PAQR7: variants seen among roughly 807,000 people sequenced by gnomAD.
PAQR7 encodes membrane progestin receptor alpha.
Under a neutral mutation model 24.6 loss-of-function variants are expected in PAQR7, and 14 were observed. The ratio of observed to expected loss-of-function variants is 0.57; its 90% CI spans 0.38 to 0.89. The LOEUF (loss-of-function observed/expected upper bound fraction) is 0.89. Ranked by LOEUF, PAQR7 falls within the 40% of genes least tolerant of loss-of-function variation. PAQR7 has a pLI of 0.00. For missense variants in PAQR7, 351 were observed against 444.0 expected (o/e 0.79, Z 1.88); for synonymous variants, 189 against 198.8 (o/e 0.95, Z 0.42).
chr1:25,864,750 C>T (rs2048542870), intron 2 of PAQR7, among the ~76,000 whole-genome samples: 1 of 151,974 alleles, frequency 6.6e-6, no homozygotes, highest in African/African-American at 2.4e-5. Context: ...ACTGGAGAGG[C>T]TGGGGCAGGA....
chr1:25,863,761 G>T lies in PAQR7; in HGVS notation c.79C>A (p.Pro27Thr). ...CGATCCACCGTGAAGACAGGCTCTGGCTGCAGAGATAGCTGAGGCTCCTGG... is the reference window on the plus strand; with the variant it reads ...CGATCCACCGTGAAGACAGGCTCTGTCTGCAGAGATAGCTGAGGCTCCTGG... ...VIQEPQLSLQ[P>T]EPVFTVDRAE... The change falls in exon 3 of 3, where the codon CCA (proline) becomes ACA (threonine). Residue 27 changes from proline (P) to threonine (T), a missense_variant. Physicochemically the swap from Pro to Thr is conservative, Grantham distance 38 (BLOSUM62 -1). Transcript: ENST00000675840. This position sits in a 1 kb window ranked among gnomAD's most constrained non-coding sequence, Gnocchi z 6.1. The T allele has an allele frequency of 1.9e-6, 3 of 1,613,874 alleles. No individual in the cohort carries two copies. The highest frequency in any genetic ancestry group is 2.5e-6 in the Non-Finnish European group (3 of 1,180,018).
chr1:25,867,896 T>G (rs2048570989), intron 2 of PAQR7, among the ~76,000 whole-genome samples: 1 of 152,174 alleles, frequency 6.6e-6, no homozygotes, highest in African/African-American at 2.4e-5. Flanking sequence ...GGCTGCTACT[T>G]AGGACAACAG....
At chr1:25,866,672 A>T (rs529261932) in intron 2 of PAQR7, among the ~76,000 whole-genome samples, 1 of 152,240 alleles carries the variant, frequency 6.6e-6, no homozygotes, top group East Asian at 1.9e-4. Context: ...CCACCCACCT[A>T]GCCAGGAAGT....
chr1:25,863,717 G>T lies in PAQR7; in HGVS notation c.123C>A (p.Leu41=). Residue 41 remains leucine, a synonymous_variant, in exon 3 of 3, where the codon CTC becomes CTA. Transcript: ENST00000675840. This position sits in a 1 kb window ranked among gnomAD's most constrained non-coding sequence, Gnocchi z 6.1. ...FTVDRAEVPP[L]FWKPYIYAGY... is the part of the protein sequence containing the mutation. ...CCGCATAGATGTACGGCTTCCAGAA[G>T]AGCGGCGGCACCTCAGCTCGATCCA... 1 of 1,614,168 alleles carries T rather than the reference G, an allele frequency of 6.2e-7. No individual in the cohort carries two copies. The highest frequency in any genetic ancestry group is 8.5e-7 in the Non-Finnish European group (1 of 1,180,046).
rs536098137 is a variant in PAQR7, at chr1:25,862,859, G to C, written c.981C>G (p.Ile327Met). Residue 327 changes from isoleucine (I) to methionine (M), a missense_variant, in exon 3 of 3, where the codon ATC becomes ATG. Physicochemically the swap from Ile to Met is conservative, Grantham distance 10 (BLOSUM62 1). Transcript: ENST00000675840. Reference protein sequence around the residue: ...GLFLLTVGSSILTAFLLSQLV... With the variant: ...GLFLLTVGSSMLTAFLLSQLV... ...GCTGGCTCAGGAGGAATGCAGTGAG[G>C]ATGCTGCTGCCCACCGTGAGCAGGA... 151 of 1,614,146 alleles carry C rather than the reference G, an allele frequency of 9.4e-5. 2 individuals carry two copies. In the Middle Eastern group the frequency reaches 7.9e-3, roughly 85 times the overall value.
intron 2 of PAQR7, among the ~76,000 whole-genome samples, chr1:25,870,153 T>A (rs772029803): frequency 5.3e-5 from 8 of 152,122 alleles, no homozygotes; most frequent in Non-Finnish European, 1.0e-4. Flanking sequence ...GAGGGCACCA[T>A]CAGGGCATCC....
In PAQR7 at chr1:25,875,397, C is replaced by CCAGCCCCGCAGCCCCG. The variant is rs537795798; in HGVS notation, c.-109+75_-109+90dup. On this transcript the variant is annotated intron_variant, in intron 1 of 2. Coordinates refer to ENST00000675840, the MANE Select transcript of PAQR7 (RefSeq NM_178422.6). The surrounding 1 kb of genome is among the most constrained non-coding windows in gnomAD (Gnocchi z 5.4). The stretch of plus-strand genomic sequence containing the variant: ...CCGCGGAGCCTTGCTCTTTCCACGT[C>CCAGCCCCGCAGCCCCG]CAGCCCCGCAGCCCCGCAGCCCCGC... Among the ~76,000 whole-genome samples, 1 of 152,136 alleles carries CCAGCCCCGCAGCCCCG rather than the reference C, an allele frequency of 6.6e-6. No individual in the cohort carries two copies. The highest frequency in any genetic ancestry group is 2.4e-5 in the African/African-American group (1 of 41,424).
At position 25,875,496 on chromosome 1, in the gene PAQR7, G is replaced by A. The variant is rs559045198; in HGVS notation, c.-117C>T. ...TCTTGGCAGCCCCGTACCTGAGCCG[G>A]AGCCGAGCTGGGAGGGCCGCGGGGG... On this transcript the variant is annotated 5_prime_UTR_variant, in exon 1 of 3. Coordinates refer to ENST00000675840, the MANE Select transcript of PAQR7 (RefSeq NM_178422.6). The surrounding 1 kb of genome is among the most constrained non-coding windows in gnomAD (Gnocchi z 5.4). 3.8e-4 allele frequency among the ~76,000 whole-genome samples: 58 copies of A among 152,228 alleles called. No homozygotes were observed. Among genetic ancestry groups the A allele is most frequent in the Admixed American group, 2.8e-3 (43 of 15,310 alleles).
Position 25,863,631 on chromosome 1 carries a change from T to C in PAQR7, c.209A>G (p.Asn70Ser), listed in dbSNP as rs779609918. The change falls in exon 3 of 3, where the codon AAC (asparagine) becomes AGC (serine). Residue 70 changes from asparagine (N) to serine (S), a missense_variant. By Grantham distance (46) the Asn-to-Ser change is conservative. Transcript: ENST00000675840. This position sits in a 1 kb window ranked among gnomAD's most constrained non-coding sequence, Gnocchi z 6.1. Reference protein sequence around the residue: ...FYFRTLFQQHNEAVNVWTHLL... With the variant: ...FYFRTLFQQHSEAVNVWTHLL... ...GTGGGTCCAGACATTCACGGCCTCG[T>C]TGTGCTGCTGGAACAGCGTGCGGAA... 7 of 1,614,122 alleles carry C rather than the reference T, an allele frequency of 4.3e-6. No individual in the cohort carries two copies. The highest frequency in any genetic ancestry group is 2.2e-5 in the East Asian group (1 of 44,882).
chr1:25,873,263 C>T (rs771494970), intron 1 of PAQR7, among the ~76,000 whole-genome samples: 4 of 152,226 alleles, frequency 2.6e-5, no homozygotes, highest in East Asian at 1.9e-4. Context: ...GCCCTGGAGG[C>T]GGGAGGGCAG....
chr1:25,861,990 A>G lies in PAQR7; in HGVS notation c.*809T>C, dbSNP rs994215335. 11 of 129,020 alleles carry G rather than the reference A, an allele frequency of 8.5e-5. No individual in the cohort carries two copies. Among genetic ancestry groups the G allele is most frequent in the Admixed American group, 1.7e-4 (2 of 12,072 alleles). 8.0% of individuals were successfully genotyped at this position (129,020 alleles called of 1,614,324 possible). ...AGATCGCACCATTTTACTCCAGCCT[A>G]GCCAACAAGAGCGAAACTCCTCAAA... On this transcript the variant is annotated 3_prime_UTR_variant, in exon 3 of 3. Coordinates refer to ENST00000675840, the MANE Select transcript of PAQR7 (RefSeq NM_178422.6).
At chr1:25,866,358 A>G (rs966316614) in intron 2 of PAQR7, among the ~76,000 whole-genome samples, 2 of 151,758 alleles carry the variant, frequency 1.3e-5, no homozygotes, top group Non-Finnish European at 2.9e-5. Context: ...CCCCAATCCC[A>G]CTTTCCCCTG....
Position 25,863,697 on chromosome 1 carries a change from T to C in PAQR7, c.143A>G (p.Tyr48Cys), listed in dbSNP as rs140408744. 2,129 of 1,614,120 alleles carry C rather than the reference T, an allele frequency of 1.3e-3. 3 individuals carry two copies. Among genetic ancestry groups the C allele is most frequent in the Non-Finnish European group, 1.7e-3 (1,988 of 1,180,022 alleles). ...CTGATGCAGCGGCCGGTAGCCCGCATAGATGTACGGCTTCCAGAAGAGCGG... is the reference window on the plus strand; with the variant it reads ...CTGATGCAGCGGCCGGTAGCCCGCACAGATGTACGGCTTCCAGAAGAGCGG... ...VPPLFWKPYI[Y>C]AGYRPLHQTW... Residue 48 changes from tyrosine (Y) to cysteine (C), a missense_variant, in exon 3 of 3, where the codon TAT becomes TGT. Physicochemically the swap from Tyr to Cys is radical, Grantham distance 194 (BLOSUM62 -2). Coordinates refer to ENST00000675840, the MANE Select transcript of PAQR7 (RefSeq NM_178422.6). This position sits in a 1 kb window ranked among gnomAD's most constrained non-coding sequence, Gnocchi z 6.1.
chr1:25,874,861 C>A (rs1379123913), intron 1 of PAQR7, among the ~76,000 whole-genome samples: 1 of 152,186 alleles, frequency 6.6e-6, no homozygotes, highest in Non-Finnish European at 1.5e-5. Context: ...CTCCCTCATC[C>A]CCCAAGGTGT....
intron 2 of PAQR7, among the ~76,000 whole-genome samples, chr1:25,866,236 C>A (rs2048555977): frequency 6.6e-6 from 1 of 152,092 alleles, no homozygotes; most frequent in Non-Finnish European, 1.5e-5. Flanking sequence ...GCTCCTACTA[C>A]CCTTATTCCC....
At chr1:25,871,117 GCTTAAACATTTA>G (rs2048602512) in intron 1 of PAQR7, 2 of 152,202 alleles carry the variant, frequency 1.3e-5, no homozygotes, top group Non-Finnish European at 2.9e-5. Context: ...TTCACTGTGT[GCTTAAACATTTA>G]CCTTATCCCT....
Position 25,863,229 on chromosome 1 carries a change from G to A in PAQR7, c.611C>T (p.Thr204Ile), listed in dbSNP as rs769014018. Residue 204 changes from threonine (T) to isoleucine (I), a missense_variant, in exon 3 of 3, where the codon ACA becomes ATA. Coordinates refer to ENST00000675840, the MANE Select transcript of PAQR7 (RefSeq NM_178422.6). This position sits in a 1 kb window ranked among gnomAD's most constrained non-coding sequence, Gnocchi z 6.1. The stretch of plus-strand genomic sequence containing the variant: ...CAGGACGGAGGGCACCTCCTGGCAT[G>A]TGCGGCCCAGCAGGCCTGGTTTCTG... ...YIQKPGLLGR[T>I]CQEVPSVLAY... 6.2e-7 allele frequency: 1 copy of A among 1,614,158 alleles called. No individual in the cohort carries two copies. The highest frequency in any genetic ancestry group is 8.5e-7 in the Non-Finnish European group (1 of 1,180,058).
chr1:25,863,789 G>A lies in PAQR7; in HGVS notation c.51C>T (p.Val17=). 1 of 1,613,562 alleles carries A rather than the reference G, an allele frequency of 6.2e-7. No individual in the cohort carries two copies. Among genetic ancestry groups the A allele is most frequent in the Middle Eastern group, 1.6e-4 (1 of 6,062 alleles). ...LSHLLPSLRQ[V]IQEPQLSLQP... ...GCAGAGATAGCTGAGGCTCCTGGAT[G>A]ACCTGCCGCAGACTCGGCAGGAGGT... The change falls in exon 3 of 3, where the codon GTC becomes GTT. Residue 17 remains valine, a synonymous_variant. Transcript: ENST00000675840. This position sits in a 1 kb window ranked among gnomAD's most constrained non-coding sequence, Gnocchi z 6.1.
chr1:25,871,838 G>A (rs2124199954), intron 1 of PAQR7, among the ~76,000 whole-genome samples: 1 of 152,342 alleles, frequency 6.6e-6, no homozygotes, highest in Non-Finnish European at 1.5e-5. Flanking sequence ...GGGGCACACA[G>A]AAAATGAAGC....
Sources: gnomAD v4.1 joint callset for allele counts (sites outside exome capture counted in the v4.1 genomes callset) on GRCh38, gnomAD v4.1.1 for gene constraint, Gnocchi (gnomAD v3.1) non-coding constraint, MANE v1.5 for transcripts, NCBI Gene and HGNC (gene_info 2026-07-23, HGNC 2026-07-21) for gene names.